The following NPHP3 variants were observed in gnomAD, a reference collection of about 807,000 sequenced individuals.
The protein encoded by NPHP3 is nephrocystin 3.
NPHP3 carries 123 observed loss-of-function variants against 171.9 expected under a neutral mutation model. The observed-to-expected ratio is 0.72, with a 90% confidence interval of 0.62 to 0.83. NPHP3 has a LOEUF of 0.83. Among genes scored for constraint, NPHP3 ranks in the 40% least tolerant of loss-of-function variants. The probability of loss-of-function intolerance (pLI) is 0.00; values close to 1 mark genes in which losing one functional copy is unlikely to be tolerated. For missense variants in NPHP3, 1,506 were observed against 1,591.9 expected (o/e 0.95, Z 0.92); for synonymous variants, 558 against 579.2 (o/e 0.96, Z 0.52).
intron 17 of NPHP3, among the ~76,000 whole-genome samples, chr3:132,692,168 T>C (rs1046942808): frequency 3.9e-5 from 6 of 152,210 alleles, no homozygotes; most frequent in African/African-American, 4.8e-5. Flanking sequence ...CTGGGAGCAA[T>C]AGGCCATACC....
intron 7 of NPHP3, 42 bp from the exon 8 acceptor site, chr3:132,705,856 A>C: frequency 9.4e-7 from 1 of 1,062,872 alleles, no homozygotes; most frequent in Non-Finnish European, 1.5e-6. Context: ...AAACCATAAT[A>C]TCAGAAGGAA....
intron 20 of NPHP3, 27 bp downstream of exon 20, chr3:132,689,047 G>A: frequency 6.2e-7 from 1 of 1,613,668 alleles, no homozygotes; most frequent in Non-Finnish European, 8.5e-7. Context: ...ACCTGTCTCT[G>A]GCTTGCCATT....
intron 9 of NPHP3, among the ~76,000 whole-genome samples, chr3:132,703,570 T>C (rs933533718): frequency 6.6e-6 from 1 of 150,858 alleles, no homozygotes; most frequent in Non-Finnish European, 1.5e-5. Flanking sequence ...TTCTTTTCTT[T>C]CTTTCTTTCT....
chr3:132,712,037 T>C (rs967328445), intron 6 of NPHP3, among the ~76,000 whole-genome samples: 6 of 152,240 alleles, frequency 3.9e-5, no homozygotes, highest in Admixed American at 3.9e-4. Flanking sequence ...AGGTTAAATT[T>C]AGACAGTAAA....
chr3:132,688,417 A>G (rs535470865), intron 21 of NPHP3, among the ~76,000 whole-genome samples: 4 of 152,286 alleles, frequency 2.6e-5, no homozygotes, highest in Non-Finnish European at 5.9e-5. Context: ...TAGTCAGTGA[A>G]TGAGCCAGGA....
At chr3:132,714,604 C>T (rs1173803877) in intron 5 of NPHP3, among the ~76,000 whole-genome samples, 2 of 151,886 alleles carry the variant, frequency 1.3e-5, no homozygotes, top group African/African-American at 4.8e-5. Flanking sequence ...TGGTGTGTAC[C>T]TGTAGTCCTA....
intron 17 of NPHP3, among the ~76,000 whole-genome samples, chr3:132,691,728 T>G (rs1939304328): frequency 6.6e-6 from 1 of 152,192 alleles, no homozygotes; most frequent in Non-Finnish European, 1.5e-5. Flanking sequence ...TGATAGGAAT[T>G]ATTTTAGCCA....
At chr3:132,699,250 T>C in intron 13 of NPHP3, 103 bp downstream of exon 13, 1 of 781,734 alleles carries the variant, frequency 1.3e-6, no homozygotes, top group Non-Finnish European at 2.2e-6. Context: ...TCACTGCAAG[T>C]TACATAAAAA....
At position 132,697,294 on chromosome 3, in the gene NPHP3, C is replaced by T. The variant is rs369965217; in HGVS notation, c.2054G>A (p.Cys685Tyr). Residue 685 changes from cysteine to tyrosine, a missense_variant, in exon 14 of 27, where the codon TGC becomes TAC. Transcript: ENST00000337331. ...KDAKSIIIAE[C>Y]HSVDIKLSKE... Reference sequence around the variant, plus strand: ...ACTCAATTTAATGTCTACAGAGTGGCATTCTGCAATTATAATAGATTTTGC... The same window carrying T: ...ACTCAATTTAATGTCTACAGAGTGGTATTCTGCAATTATAATAGATTTTGC... The T allele has an allele frequency of 1.2e-6, 2 of 1,611,796 alleles. No individual in the cohort carries two copies. Among genetic ancestry groups the T allele is most frequent in the African/African-American group, 1.3e-5 (1 of 74,894 alleles).
In NPHP3 at chr3:132,696,813, C is replaced by T; in HGVS notation, c.2089G>A (p.Glu697Lys). Residue 697 changes from glutamate to lysine, a missense_variant and splice_region_variant, in exon 15 of 27, where the codon GAG becomes AAG. Glu to Lys is a moderately conservative substitution (Grantham distance 56). Transcript: ENST00000337331. ...SVDIKLSKEQEKKLERHCRSA... is the reference protein window; with the variant it reads ...SVDIKLSKEQKKKLERHCRSA... ...CGACAGTGTCGTTCTAGCTTCTTCT[C>T]CTGCACCAGTTTACCAAGAAAAACA... 4 of 1,613,218 alleles carry T rather than the reference C, an allele frequency of 2.5e-6. No homozygotes were observed. Among genetic ancestry groups the T allele is most frequent in the Non-Finnish European group, 3.4e-6 (4 of 1,179,344 alleles).
Position 132,689,250 on chromosome 3 carries a change from C to G in NPHP3, c.2707G>C (p.Glu903Gln). ...ACAAACTGCCAATAACTCAGCAACT[C>G]AGCAAAGTGTCCCCTGTTTCAACAA... ...QNLYKRGHFA[E>Q]LLSYWQFVGK... The change falls in exon 20 of 27, where the codon GAG (glutamate) becomes CAG (glutamine). Residue 903 changes from glutamate (E) to glutamine (Q), a missense_variant. Physicochemically the swap from Glu to Gln is conservative, Grantham distance 29. Coordinates refer to ENST00000337331, the MANE Select transcript of NPHP3 (RefSeq NM_153240.5). 1 of 1,614,118 alleles carries G rather than the reference C, an allele frequency of 6.2e-7. No individual in the cohort carries two copies. Among genetic ancestry groups the G allele is most frequent in the Non-Finnish European group, 8.5e-7 (1 of 1,179,962 alleles).
chr3:132,690,747 A>G, intron 18 of NPHP3, 97 bp from the exon 19 acceptor site: 3 of 1,217,214 alleles, frequency 2.5e-6, no homozygotes, highest in Non-Finnish European at 3.6e-6. Context: ...AATATTTAAC[A>G]TATATCTCTG....
rs764795166 is a variant in NPHP3, at chr3:132,684,544, GCTTA to G, written c.3570+6_3570+9del. 3 of 1,613,550 alleles carry G rather than the reference GCTTA, an allele frequency of 1.9e-6. No individual in the cohort carries two copies. The highest frequency in any genetic ancestry group is 2.5e-6 in the Non-Finnish European group (3 of 1,179,674). On this transcript the variant is annotated splice_donor_region_variant and intron_variant, in intron 24 of 26. Coordinates refer to ENST00000337331, the MANE Select transcript of NPHP3 (RefSeq NM_153240.5). ...TTATAAAACATGTAAGAATGTCAAA[GCTTA>G]CTTACCATTTTCTTATACAAGATGG... is the stretch of plus-strand genomic sequence containing the variant.
chr3:132,682,215 A>G lies in NPHP3; in HGVS notation c.3813-125T>C, dbSNP rs145522347. 1.5e-3 allele frequency: 1,225 copies of G among 836,426 alleles called. 7 individuals are homozygous for G. The East Asian group carries it at 0.02, about 14-fold the overall frequency. The allele number at this position is 836,426 out of a possible 1,614,324, so 51.8% of individuals were successfully genotyped here. A position where few individuals can be genotyped will look rare whatever the true frequency, so the allele number is the denominator to read the frequency against. On this transcript the variant is annotated intron_variant, in intron 26 of 26. Transcript: ENST00000337331. ...CCCATTTCCCCTCTTTTTCCAGTGT[A>G]TTCACTCAAGCAGACCAGTAAAACA...
intron 16 of NPHP3, chr3:132,693,911 T>C (rs1339284451): frequency 6.6e-6 from 1 of 151,618 alleles, no homozygotes; most frequent in East Asian, 1.9e-4. Context: ...TAGATATATA[T>C]TTTCAAAAAC....
chr3:132,717,262 G>A (rs1025646654), intron 3 of NPHP3: 35 of 219,018 alleles, frequency 1.6e-4, no homozygotes, highest in Admixed American at 1.5e-3. Context: ...AAAATCTGAA[G>A]GAAAAAACCT....
Position 132,692,709 on chromosome 3 carries a change from T to G in NPHP3, c.2420A>C (p.Tyr807Ser). The G allele has an allele frequency of 6.2e-7, 1 of 1,614,100 alleles. No individual in the cohort carries two copies. The highest frequency in any genetic ancestry group is 8.5e-7 in the Non-Finnish European group (1 of 1,179,966). Reference protein sequence around the residue: ...TFLTSLIHSLYKMCLLTYGCG... With the variant: ...TFLTSLIHSLSKMCLLTYGCG... ...TCCATAAGTCAACAAACACATTTTG[T>G]ATAAACTGTGAATAAGGGAGGTCAA... The change falls in exon 17 of 27, where the codon TAC becomes TCC. Residue 807 changes from tyrosine to serine, a missense_variant. Around this residue, in one of 3 missense-constraint regions of NPHP3, gnomAD observed 569 missense variants for 648.1 expected, o/e 0.88. Coordinates refer to ENST00000337331, the MANE Select transcript of NPHP3 (RefSeq NM_153240.5).
chr3:132,682,919 T>C, intron 25 of NPHP3, 101 bp from the exon 26 acceptor site: 1 of 752,146 alleles, frequency 1.3e-6, no homozygotes, highest in Non-Finnish European at 2.4e-6. Context: ...AAAATGTTAA[T>C]ATCCTCCTAA....
chr3:132,689,071 T>G lies in NPHP3; in HGVS notation c.2883+3A>C. The G allele has an allele frequency of 6.2e-7, 1 of 1,614,160 alleles. No homozygotes were observed. Among genetic ancestry groups the G allele is most frequent in the Non-Finnish European group, 8.5e-7 (1 of 1,179,996 alleles). On this transcript the variant is annotated splice_donor_region_variant and intron_variant, in intron 20 of 26. Coordinates refer to ENST00000337331, the MANE Select transcript of NPHP3 (RefSeq NM_153240.5). ...TGGCTTGCCATTGATCTGCTGAGCT[T>G]ACCTGACTGAGAAGGCCTAGATCCT...
Sources: allele counts gnomAD v4.1 joint callset (sites outside exome capture counted in the v4.1 genomes callset), GRCh38; gene constraint gnomAD v4.1.1; regional missense constraint gnomAD v4.1.1; transcripts MANE v1.5; gene names NCBI Gene and HGNC (gene_info 2026-07-23, HGNC 2026-07-21).